The following CEP192 variants were observed in gnomAD, a reference collection of about 807,000 sequenced individuals.
The protein encoded by CEP192 is centrosomal protein 192, also known as centrosomal protein of 192 kDa.
Under a neutral mutation model 271.8 loss-of-function variants are expected in CEP192, and 151 were observed. The observed-to-expected ratio is 0.56, with a 90% CI of 0.49 to 0.64. CEP192 has a LOEUF of 0.64. CEP192 is among the 30% of genes least tolerant of loss of function. CEP192 has a pLI of 0.00. For synonymous variants in CEP192, 995 were observed against 1,076.5 expected (o/e 0.92, Z 1.48); for missense variants, 2,910 against 3,020.5 (o/e 0.96, Z 0.86).
intron 38 of CEP192, among the ~76,000 whole-genome samples, chr18:13,101,251 T>C (rs1033769746): frequency 1.6e-4 from 25 of 152,212 alleles, no homozygotes; most frequent in African/African-American, 6.0e-4. Context: ...CCCCTTGTTA[T>C]AAAATGAACT....
intron 33 of CEP192, among the ~76,000 whole-genome samples, chr18:13,090,203 C>A (rs1206485617): frequency 6.6e-6 from 1 of 152,032 alleles, no homozygotes; most frequent in Admixed American, 6.6e-5. Flanking sequence ...TTTATAATAG[C>A]AAGAAGCTAG....
intron 11 of CEP192, among the ~76,000 whole-genome samples, chr18:13,031,054 AAC>A (rs2035592142): frequency 6.6e-6 from 1 of 152,172 alleles, no homozygotes; most frequent in African/African-American, 2.4e-5. Context: ...CGTGAAAAGA[AAC>A]AGGTTGTTGA....
At chr18:13,032,085 C>T (rs1000706506) in intron 11 of CEP192, among the ~76,000 whole-genome samples, 3 of 152,086 alleles carry the variant, frequency 2.0e-5, no homozygotes, top group African/African-American at 7.2e-5. Flanking sequence ...GTCTGGAAAG[C>T]GTCAGGACTC....
chr18:13,094,927 A>G (rs1175075696), intron 34 of CEP192, among the ~76,000 whole-genome samples: 3 of 152,120 alleles, frequency 2.0e-5, no homozygotes, highest in South Asian at 2.1e-4. Context: ...TTTTTTAACT[A>G]ATCTTCCCAT....
At position 13,096,198 on chromosome 18, in the gene CEP192, A is replaced by AAATT; in HGVS notation, c.6448_6449insAATT (p.Thr2150LysfsTer10). The AAATT allele has an allele frequency of 6.2e-7, 1 of 1,614,008 alleles. No homozygotes were observed. The highest frequency in any genetic ancestry group is 2.2e-5 in the East Asian group (1 of 44,880). On this transcript the variant is annotated frameshift_variant, in exon 36 of 45. Transcript: ENST00000506447. LOFTEE classifies it high-confidence loss of function. ...TGACAAAATAGGTGACATGGCAAAAACTGGACGTTTCCAGATTGTGAATAA... is the reference window on the plus strand; with the variant it reads ...TGACAAAATAGGTGACATGGCAAAAAAATTCTGGACGTTTCCAGATTGTGAATAA...
intron 30 of CEP192, among the ~76,000 whole-genome samples, chr18:13,075,706 A>C (rs547855638): frequency 1.3e-5 from 2 of 152,196 alleles, no homozygotes; most frequent in African/African-American, 4.8e-5. Flanking sequence ...ACACAAACAG[A>C]CTAAGATGGT....
At chr18:13,071,240 C>T (rs2037996226) in intron 28 of CEP192, 28 bp downstream of exon 28, 1 of 1,583,292 alleles carries the variant, frequency 6.3e-7, no homozygotes, top group Non-Finnish European at 8.6e-7. Context: ...ACAAATCGTC[C>T]ACTATTTATA....
At chr18:13,106,702 G>C (rs1471314173) in intron 40 of CEP192, among the ~76,000 whole-genome samples, 4 of 124,880 alleles carry the variant, frequency 3.2e-5, no homozygotes, top group Non-Finnish European at 6.6e-5. Context: ...TTACAACTAC[G>C]GTCATCTTCT....
intron 40 of CEP192, among the ~76,000 whole-genome samples, chr18:13,109,880 T>C (rs1786270): frequency 0.71 from 107,781 of 152,064 alleles, 39,378 homozygotes; most frequent in African/African-American, 0.89. Flanking sequence ...TGAGATTAGT[T>C]AAAAATTCAA....
At chr18:13,096,655 G>A (rs1436446150) in intron 36 of CEP192, among the ~76,000 whole-genome samples, 1 of 152,172 alleles carries the variant, frequency 6.6e-6, no homozygotes, top group Non-Finnish European at 1.5e-5. Context: ...ATGGGATGAG[G>A]GGTCGCGATG....
intron 27 of CEP192, 139 bp from the exon 28 acceptor site, chr18:13,070,900 G>T: frequency 1.5e-6 from 1 of 651,048 alleles, no homozygotes; most frequent in Non-Finnish European, 2.7e-6. Context: ...TGTATTCTCT[G>T]CAGCACAAGC....
rs2037186685 is a variant in CEP192 at position 13,057,662 on chromosome 18, G to A, written c.4186G>A (p.Val1396Met). ...VGIASQTLLS[V>M]LNPTDRWLQV... is the part of the protein sequence containing the mutation. ...GATCGCTTCCCAGACCCTCCTCAGT[G>A]TGCTTAATCCAACTGACCGCTGGCT... Residue 1396 changes from valine to methionine, a missense_variant, in exon 20 of 45, where the codon GTG (valine) becomes ATG (methionine). Val to Met is a conservative substitution (Grantham distance 21). Coordinates refer to ENST00000506447, the MANE Select transcript of CEP192 (RefSeq NM_032142.4). The A allele has an allele frequency of 1.2e-6, 2 of 1,614,156 alleles. No homozygotes were observed. The highest frequency in any genetic ancestry group is 2.2e-5 in the East Asian group (1 of 44,884).
intron 1 of CEP192, among the ~76,000 whole-genome samples, chr18:12,997,328 C>G (rs1201347442): frequency 6.6e-6 from 1 of 152,092 alleles, no homozygotes; most frequent in Non-Finnish European, 1.5e-5. Context: ...GAGCCCTGAA[C>G]AAAGAGTTAA....
chr18:13,069,487 T>G (rs369213387), intron 26 of CEP192, among the ~76,000 whole-genome samples: 2 of 152,226 alleles, frequency 1.3e-5, no homozygotes. Context: ...TGACATCATT[T>G]CTGAGACCTG....
chr18:13,036,284 T>G (rs1348722416), intron 11 of CEP192, among the ~76,000 whole-genome samples: 1 of 152,214 alleles, frequency 6.6e-6, no homozygotes, highest in African/African-American at 2.4e-5. Context: ...AAATATCCTG[T>G]GTCTGCTTTT....
At chr18:13,110,785 G>C (rs2040174109) in intron 40 of CEP192, among the ~76,000 whole-genome samples, 1 of 152,192 alleles carries the variant, frequency 6.6e-6, no homozygotes, top group South Asian at 2.1e-4. Flanking sequence ...GAGGGCCCCT[G>C]GCCAAACACT....
chr18:13,042,640 C>T (rs554101927), intron 15 of CEP192, among the ~76,000 whole-genome samples: 7 of 152,274 alleles, frequency 4.6e-5, no homozygotes, highest in Non-Finnish European at 7.4e-5. Context: ...TTTTTTGCCG[C>T]CTCCAGTTAC....
chr18:13,056,723 A>G, intron 19 of CEP192, 25 bp downstream of exon 19: 1 of 1,506,480 alleles, frequency 6.6e-7, no homozygotes, highest in Non-Finnish European at 9.0e-7. Flanking sequence ...CTCTATTATT[A>G]TTACTTGCTA....
chr18:13,118,998 C>T (rs1345532852), intron 44 of CEP192, among the ~76,000 whole-genome samples: 2 of 152,182 alleles, frequency 1.3e-5, no homozygotes, highest in African/African-American at 4.8e-5. Flanking sequence ...CTTCTGTTCT[C>T]CAAGTTCTCC....
Sources: gnomAD v4.1 joint callset for allele counts (sites outside exome capture counted in the v4.1 genomes callset) on GRCh38, gnomAD v4.1.1 for gene constraint, MANE v1.5 for transcripts, NCBI Gene and HGNC (gene_info 2026-07-23, HGNC 2026-07-21) for gene names.